Variants in FER1L6 observed in about 807,000 individuals in gnomAD.
FER1L6 encodes the protein fer-1-like protein 6.
In FER1L6, 177 loss-of-function variants were observed where a neutral mutation model predicts 219.2. That is an observed-to-expected ratio of 0.81 (90% CI 0.71 to 0.91). The LOEUF is 0.91. Ranked by LOEUF, FER1L6 falls within the 40% of genes least tolerant of loss-of-function variation. FER1L6 has a pLI of 0.00. For missense variants in FER1L6, 2,153 were observed against 2,259.9 expected, an observed-to-expected ratio of 0.95 and a Z score of 0.96; for synonymous variants, 768 against 824.3, an observed-to-expected ratio of 0.93 and a Z score of 1.17.
rs765660524 is a variant in FER1L6 at position 124,017,654 on chromosome 8, A to G, written c.1949A>G (p.Lys650Arg). Reference protein sequence around the residue: ...SSAFISEAEKKPKMLNQTTLD... With the variant: ...SSAFISEAEKRPKMLNQTTLD... ...GCCTTTATCTCTGAAGCAGAAAAAA[A>G]GCCCAAGATGTTGAACCAAACCACT... Residue 650 changes from lysine (K) to arginine (R), a missense_variant, in exon 16 of 41, where the codon AAG becomes AGG. Physicochemically the swap from Lys to Arg is conservative, Grantham distance 26. Transcript: ENST00000522917. 6.2e-7 allele frequency: 1 copy of G among 1,613,656 alleles called. No individual in the cohort carries two copies. Among genetic ancestry groups the G allele is most frequent in the African/African-American group, 1.3e-5 (1 of 75,054 alleles).
intron 1 of FER1L6, among the ~76,000 whole-genome samples, chr8:123,859,502 C>T (rs1349677343): frequency 6.6e-6 from 1 of 151,778 alleles, no homozygotes; most frequent in Non-Finnish European, 1.5e-5. Flanking sequence ...CATCCCTCCT[C>T]CTCCCACAAA....
At chr8:124,100,779 G>A (rs1480432046) in intron 37 of FER1L6, among the ~76,000 whole-genome samples, 2 of 152,026 alleles carry the variant, frequency 1.3e-5, no homozygotes, top group African/African-American at 2.4e-5. Context: ...TTCCCAGGGT[G>A]ACAGAGATTC....
chr8:123,967,140 A>G (rs1408698375), intron 5 of FER1L6, among the ~76,000 whole-genome samples: 1 of 152,020 alleles, frequency 6.6e-6, no homozygotes, highest in Admixed American at 6.6e-5. Flanking sequence ...GACAAAAAGT[A>G]TAACGATATA....
chr8:123,947,928 G>A (rs542962210), intron 1 of FER1L6, among the ~76,000 whole-genome samples: 10 of 152,254 alleles, frequency 6.6e-5, no homozygotes, highest in Non-Finnish European at 1.2e-4. Context: ...GAAGGCCTAC[G>A]GTGAGCAATG....
chr8:123,893,715 T>A (rs1812690830), intron 1 of FER1L6, among the ~76,000 whole-genome samples: 1 of 152,122 alleles, frequency 6.6e-6, no homozygotes, highest in African/African-American at 2.4e-5. Context: ...TTGTGAGAGG[T>A]TCCAGTAAAG....
chr8:124,036,652 A>G (rs916690482), intron 19 of FER1L6, among the ~76,000 whole-genome samples: 1 of 152,146 alleles, frequency 6.6e-6, no homozygotes, highest in African/African-American at 2.4e-5. Context: ...ACTTGATAGG[A>G]AAAAATAGGA....
intron 1 of FER1L6, among the ~76,000 whole-genome samples, chr8:123,897,208 C>G (rs1203636799): frequency 6.6e-6 from 1 of 152,136 alleles, no homozygotes; most frequent in African/African-American, 2.4e-5. Flanking sequence ...CTACTCAGTC[C>G]CTTGTTTTTG....
chr8:124,078,046 C>T (rs1048054253), intron 32 of FER1L6, among the ~76,000 whole-genome samples: 53 of 152,116 alleles, frequency 3.5e-4, no homozygotes, highest in African/African-American at 1.1e-3. Context: ...GGTTTATTGG[C>T]CATCTCCCAT....
At chr8:124,027,899 C>T (rs1030489116) in intron 18 of FER1L6, among the ~76,000 whole-genome samples, 3 of 152,168 alleles carry the variant, frequency 2.0e-5, no homozygotes, top group Admixed American at 1.3e-4. Flanking sequence ...AAAACTATAA[C>T]TGAAAAACAA....
Position 124,023,477 on chromosome 8 carries a change from A to C in FER1L6, c.2167A>C (p.Met723Leu). 6 of 1,614,136 alleles carry C rather than the reference A, an allele frequency of 3.7e-6. No homozygotes were observed. In the South Asian group the frequency reaches 6.6e-5, roughly 18 times the overall value. ...QHTIPDVFIWMLSNNRRVAYA... is the reference protein window; with the variant it reads ...QHTIPDVFIWLLSNNRRVAYA... ...CACTATCCCTGACGTTTTCATCTGG[A>C]TGCTCAGCAACAACAGGAGAGTGGC... Residue 723 changes from methionine to leucine, a missense_variant, in exon 18 of 41, where the codon ATG (methionine) becomes CTG (leucine). Physicochemically the swap from Met to Leu is conservative, Grantham distance 15 (BLOSUM62 2). Transcript: ENST00000522917.
Position 124,040,015 on chromosome 8 carries a change from G to A in FER1L6, c.2589+9G>A, listed in dbSNP as rs760045773. On this transcript the variant is annotated intron_variant, in intron 20 of 40. Coordinates refer to ENST00000522917, the MANE Select transcript of FER1L6 (RefSeq NM_001039112.2). ...ACTGCCAGACAACAAAGGTAACCAG[G>A]GTAACCAAGACAGCCTGCTTCTTTC... is the stretch of plus-strand genomic sequence containing the variant. The A allele has an allele frequency of 6.2e-7, 1 of 1,613,932 alleles. No homozygotes were observed. Among genetic ancestry groups the A allele is most frequent in the South Asian group, 1.1e-5 (1 of 91,072 alleles).
In FER1L6 at chr8:123,856,298, A is replaced by ATGTGTGTGTGTATATATGTGTGTGTG. The variant is rs1425761658; in HGVS notation, c.-8+4114_-8+4115insGTGTGTGTGTATATATGTGTGTGTGT. Reference sequence around the variant, plus strand: ...TGTGTATATATGTGTGTGTGTATATATATATATATATGTATGTGTATATAT... The same window carrying ATGTGTGTGTGTATATATGTGTGTGTG: ...TGTGTATATATGTGTGTGTGTATATATGTGTGTGTGTATATATGTGTGTGTGTATATATATATGTATGTGTATATAT... On this transcript the variant is annotated intron_variant, in intron 1 of 40. Coordinates refer to ENST00000522917, the MANE Select transcript of FER1L6 (RefSeq NM_001039112.2). 8.3e-5 allele frequency among the ~76,000 whole-genome samples: 6 copies of ATGTGTGTGTGTATATATGTGTGTGTG among 72,628 alleles called. 1 individual carries two copies. Among genetic ancestry groups the ATGTGTGTGTGTATATATGTGTGTGTG allele is most frequent in the African/African-American group, 2.6e-4 (5 of 18,872 alleles). The allele number at this position is 72,628 out of a possible 152,430, so 47.6% of individuals were successfully genotyped here.
At chr8:123,916,647 C>A (rs183262995) in intron 1 of FER1L6, among the ~76,000 whole-genome samples, 3 of 152,108 alleles carry the variant, frequency 2.0e-5, no homozygotes, top group Admixed American at 6.5e-5. Flanking sequence ...AGGTAGCAAC[C>A]CTTTTAGTGT....
chr8:124,076,676 G>A (rs1344621911), intron 32 of FER1L6, among the ~76,000 whole-genome samples: 1 of 152,048 alleles, frequency 6.6e-6, no homozygotes, highest in African/African-American at 2.4e-5. Context: ...CATCTTGCAG[G>A]GTCATTGGAT....
intron 7 of FER1L6, 73 bp from the exon 8 acceptor site, chr8:123,975,077 C>A (rs535817794): frequency 2.2e-6 from 3 of 1,373,254 alleles, no homozygotes; most frequent in African/African-American, 3.0e-5. Flanking sequence ...GAGGCCTTGG[C>A]GTGTGGGAGA....
intron 19 of FER1L6, among the ~76,000 whole-genome samples, chr8:124,037,319 C>G (rs572067870): frequency 2.6e-5 from 4 of 152,332 alleles, no homozygotes; most frequent in South Asian, 2.1e-4. Flanking sequence ...AACTATGTAG[C>G]ATGCTAAGGA....
chr8:123,970,130 G>A, intron 6 of FER1L6, 33 bp downstream of exon 6: 1 of 1,597,416 alleles, frequency 6.3e-7, no homozygotes, highest in South Asian at 1.1e-5. Flanking sequence ...TAGTTGTGGA[G>A]AGGTGGGAGA....
chr8:123,922,243 G>C (rs998800357), intron 1 of FER1L6, among the ~76,000 whole-genome samples: 6 of 152,338 alleles, frequency 3.9e-5, no homozygotes, highest in Non-Finnish European at 5.9e-5. Context: ...GCTGTGGGAG[G>C]CTTTGGGATC....
At chr8:124,082,265 T>C in intron 32 of FER1L6, 23 bp from the exon 33 acceptor site, 1 of 1,599,918 alleles carries the variant, frequency 6.3e-7, no homozygotes, top group Non-Finnish European at 8.5e-7. Context: ...AACTGACTCT[T>C]GAAGTCTCTG....
Sources: gnomAD v4.1 joint callset for allele counts (sites outside exome capture counted in the v4.1 genomes callset) on GRCh38, gnomAD v4.1.1 for gene constraint, MANE v1.5 for transcripts, NCBI Gene and HGNC (gene_info 2026-07-23, HGNC 2026-07-21) for gene names.